Variants in ZBTB11 observed in about 807,000 individuals in gnomAD.
ZBTB11 encodes zinc finger and BTB domain containing 11.
ZBTB11 carries 68 observed loss-of-function variants against 113.1 expected under a neutral mutation model. The observed-to-expected ratio is 0.60, with a 90% confidence interval of 0.49 to 0.74. ZBTB11 has a LOEUF of 0.74. ZBTB11 is among the 30% of genes least tolerant of loss of function. ZBTB11 has a pLI of 0.00. For synonymous variants in ZBTB11, 518 were observed against 452.6 expected (o/e 1.14, Z -1.83); for missense variants, 1,104 against 1,279.4 (o/e 0.86, Z 2.09).
At position 101,651,320 on chromosome 3, in the gene ZBTB11, T is replaced by C; in HGVS notation, c.3008A>G (p.Glu1003Gly). 6.2e-7 allele frequency: 1 copy of C among 1,613,748 alleles called. No individual in the cohort carries two copies. The highest frequency in any genetic ancestry group is 8.5e-7 in the Non-Finnish European group (1 of 1,179,906). The change falls in exon 11 of 11, where the codon GAA becomes GGA. Residue 1003 changes from glutamate to glycine, a missense_variant. Physicochemically the swap from Glu to Gly is moderately conservative, Grantham distance 98. Transcript: ENST00000312938. ...AAGTGTAGATACCGATGGATACTCT[T>C]CAGTAGCTGCAACAGCTTCCAGAGC... The part of the protein sequence containing the change: ...MEALEAVAAT[E>G]EYPSVSTLSD...
At chr3:101,656,904 C>T (rs1453605435) in intron 6 of ZBTB11, among the ~76,000 whole-genome samples, 2 of 150,902 alleles carry the variant, frequency 1.3e-5, no homozygotes, top group East Asian at 2.0e-4. Flanking sequence ...GAGGCTGAGA[C>T]GGGCGGATCA....
At chr3:101,668,700 T>C (rs958391188) in intron 3 of ZBTB11, among the ~76,000 whole-genome samples, 1 of 152,048 alleles carries the variant, frequency 6.6e-6, no homozygotes, top group African/African-American at 2.4e-5. Flanking sequence ...GATAGGTATA[T>C]CCTAATTACC....
chr3:101,664,607 AACC>A lies in ZBTB11; in HGVS notation c.1728_1730del (p.Met576_Val577delinsIle). 2 of 1,613,908 alleles carry A rather than the reference AACC, an allele frequency of 1.2e-6. No individual in the cohort carries two copies. The highest frequency in any genetic ancestry group is 1.7e-6 in the Non-Finnish European group (2 of 1,179,952). On this transcript the variant is annotated inframe_deletion, in exon 5 of 11. Transcript: ENST00000312938. ...TTATAAGGGCGTATCGTCTCTGAAA[AACC>A]ATTCCACATTCCCCACATTTATGAG...
At chr3:101,658,750 G>C (rs1394371967) in intron 6 of ZBTB11, among the ~76,000 whole-genome samples, 1 of 152,108 alleles carries the variant, frequency 6.6e-6, no homozygotes, top group Non-Finnish European at 1.5e-5. Context: ...TTGTGGGAAA[G>C]GGTGAGTTGG....
At chr3:101,663,177 A>T (rs1340057052) in intron 5 of ZBTB11, among the ~76,000 whole-genome samples, 2 of 151,846 alleles carry the variant, frequency 1.3e-5, no homozygotes, top group East Asian at 1.9e-4. Flanking sequence ...TGACCTCGTG[A>T]TCTGCCCGCC....
Position 101,651,161 on chromosome 3 carries a change from C to T in ZBTB11, c.*5G>A. 6.4e-7 allele frequency: 1 copy of T among 1,562,982 alleles called. No individual in the cohort carries two copies. Among genetic ancestry groups the T allele is most frequent in the Non-Finnish European group, 8.6e-7 (1 of 1,157,414 alleles). ...TGTCACTTCTTTTTATCTTCATTAACATACTCATTCTCCTCCTGAAATATG... is the reference window on the plus strand; with the variant it reads ...TGTCACTTCTTTTTATCTTCATTAATATACTCATTCTCCTCCTGAAATATG... On this transcript the variant is annotated 3_prime_UTR_variant, in exon 11 of 11. Transcript: ENST00000312938.
intron 1 of ZBTB11, among the ~76,000 whole-genome samples, chr3:101,674,298 A>C (rs1265537546): frequency 6.6e-6 from 1 of 152,170 alleles, no homozygotes; most frequent in Non-Finnish European, 1.5e-5. Context: ...CCTGGGTGAC[A>C]GAACAAGACT....
chr3:101,676,779 T>G lies in ZBTB11; in HGVS notation c.136A>C (p.Thr46Pro). 6.2e-7 allele frequency: 1 copy of G among 1,610,940 alleles called. No individual in the cohort carries two copies. The highest frequency in any genetic ancestry group is 8.5e-7 in the Non-Finnish European group (1 of 1,178,978). Residue 46 changes from threonine (T) to proline (P), a missense_variant, in exon 1 of 11, where the codon ACT (threonine) becomes CCT (proline). Thr to Pro is a conservative substitution (Grantham distance 38). Around this residue, in one of 5 missense-constraint regions of ZBTB11, gnomAD observed 245 missense variants for 272.5 expected, o/e 0.90. Coordinates refer to ENST00000312938, the MANE Select transcript of ZBTB11 (RefSeq NM_014415.4). ...CGCTGCCGCCGCTGGTAATACAGAGTCCCGCCGCGCACCACGTAGCAGGCG... is the reference window on the plus strand; with the variant it reads ...CGCTGCCGCCGCTGGTAATACAGAGGCCCGCCGCGCACCACGTAGCAGGCG... The part of the protein sequence containing the change: ...AAACYVVRGG[T>P]LYYQRRQRHR...
In ZBTB11 at chr3:101,664,405, C is replaced by T. The variant is rs552844662; in HGVS notation, c.1800+133G>A. 20 of 829,064 alleles carry T rather than the reference C, an allele frequency of 2.4e-5. No homozygotes were observed. In the South Asian group the frequency reaches 4.2e-4, roughly 17 times the overall value. 51.4% of individuals were successfully genotyped at this position (829,064 alleles called of 1,614,324 possible). A position where few individuals can be genotyped will look rare whatever the true frequency, so the allele number is the denominator to read the frequency against. ...TTTTGGGAGGCAAGTAAATGACATG[C>T]ACATTTAAATAAGAAGATGACTCTT... is the stretch of plus-strand genomic sequence containing the variant. On this transcript the variant is annotated intron_variant, in intron 5 of 10. Coordinates refer to ENST00000312938, the MANE Select transcript of ZBTB11 (RefSeq NM_014415.4).
intron 3 of ZBTB11, among the ~76,000 whole-genome samples, chr3:101,667,752 C>T (rs1937020249): frequency 6.6e-6 from 1 of 152,054 alleles, no homozygotes; most frequent in Non-Finnish European, 1.5e-5. Context: ...ACCTCTGCCT[C>T]CCATTTGTTG....
Position 101,654,840 on chromosome 3 carries a change from AC to A in ZBTB11, c.2192-20del, listed in dbSNP as rs1318938945. 1 of 1,593,246 alleles carries A rather than the reference AC, an allele frequency of 6.3e-7. No homozygotes were observed. ...GACTCTCCTATTAGAAAAAATTAAA[AC>A]CCTGTCACATATCCAGCAATCAGTC... On this transcript the variant is annotated intron_variant, in intron 7 of 10. Coordinates refer to ENST00000312938, the MANE Select transcript of ZBTB11 (RefSeq NM_014415.4).
chr3:101,663,843 T>C (rs895169144), intron 5 of ZBTB11, among the ~76,000 whole-genome samples: 3 of 152,206 alleles, frequency 2.0e-5, no homozygotes, highest in Non-Finnish European at 2.9e-5. Context: ...TGAGCCAAGA[T>C]TGCGCCACTG....
Position 101,651,041 on chromosome 3 carries a change from G to T in ZBTB11, c.*125C>A. The T allele has an allele frequency of 8.6e-7, 1 of 1,163,018 alleles. No homozygotes were observed. The highest frequency in any genetic ancestry group is 1.2e-6 in the Non-Finnish European group (1 of 847,806). 72.0% of individuals were successfully genotyped at this position (1,163,018 alleles called of 1,614,324 possible). On this transcript the variant is annotated 3_prime_UTR_variant, in exon 11 of 11. Transcript: ENST00000312938. ...CAGACAAAATGTTTGGAAACGTTAC[G>T]TTACCAAACAGCCCAGAACTTTGAT... is the stretch of plus-strand genomic sequence containing the variant.
intron 1 of ZBTB11, among the ~76,000 whole-genome samples, chr3:101,673,343 G>A (rs532950137): frequency 3.0e-4 from 45 of 152,084 alleles, no homozygotes; most frequent in South Asian, 8.3e-4. Flanking sequence ...TGGGATTTTC[G>A]GTATATTATT....
rs746109653 is a variant in ZBTB11 at position 101,671,200 on chromosome 3, G to A, written c.708C>T (p.Ser236=). Residue 236 remains serine, a synonymous_variant, in exon 3 of 11, where the codon AGC becomes AGT. Transcript: ENST00000312938. The stretch of plus-strand genomic sequence containing the variant: ...CAATAAAAAGATCTCGAAAATACTC[G>A]CTATTTGCTGACAAAACAGATTTAT... ...KAHKSVLSAN[S]EYFRDLFIEK... is the part of the protein sequence containing the mutation. 6 of 1,614,082 alleles carry A rather than the reference G, an allele frequency of 3.7e-6. No individual in the cohort carries two copies. The highest frequency in any genetic ancestry group is 1.1e-5 in the South Asian group (1 of 91,078).
At position 101,676,980 on chromosome 3, in the gene ZBTB11, G is replaced by A; in HGVS notation, c.-66C>T. ...TGAGGAAAACGGCCCGCTACCTACGGGCGGCTGCAGGAGGAGCGGCGGCAC... is the reference window on the plus strand; with the variant it reads ...TGAGGAAAACGGCCCGCTACCTACGAGCGGCTGCAGGAGGAGCGGCGGCAC... On this transcript the variant is annotated 5_prime_UTR_variant, in exon 1 of 11. Transcript: ENST00000312938. The A allele has an allele frequency of 6.8e-7, 1 of 1,477,616 alleles. No homozygotes were observed. The highest frequency in any genetic ancestry group is 9.0e-7 in the Non-Finnish European group (1 of 1,112,304). 91.5% of individuals were successfully genotyped at this position (1,477,616 alleles called of 1,614,324 possible).
chr3:101,662,801 A>T (rs1481869737), intron 5 of ZBTB11, among the ~76,000 whole-genome samples: 1 of 151,864 alleles, frequency 6.6e-6, no homozygotes, highest in African/African-American at 2.4e-5. Flanking sequence ...TCACTTTGTC[A>T]TGCAGGCTGG....
Position 101,656,415 on chromosome 3 carries a change from C to T in ZBTB11, c.2047-167G>A, listed in dbSNP as rs1186222404. Reference sequence around the variant, plus strand: ...AAGTTGAAACCAACTTGAAAGTTGACCCCTCTTCTGATTCAGTATTCAACA... The same window carrying T: ...AAGTTGAAACCAACTTGAAAGTTGATCCCTCTTCTGATTCAGTATTCAACA... On this transcript the variant is annotated intron_variant, in intron 6 of 10. Transcript: ENST00000312938. 3.3e-5 allele frequency among the ~76,000 whole-genome samples: 5 copies of T among 152,136 alleles called. No individual in the cohort carries two copies. The East Asian group carries it at 9.6e-4, about 29-fold the overall frequency.
chr3:101,656,842 T>C (rs181660449), intron 6 of ZBTB11, among the ~76,000 whole-genome samples: 3 of 152,108 alleles, frequency 2.0e-5, no homozygotes, highest in African/African-American at 7.2e-5. Context: ...TACTTGGTAT[T>C]TAAATTTATG....
Sources: allele counts gnomAD v4.1 joint callset (sites outside exome capture counted in the v4.1 genomes callset), GRCh38; gene constraint gnomAD v4.1.1; regional missense constraint gnomAD v4.1.1; transcripts MANE v1.5; gene names NCBI Gene and HGNC (gene_info 2026-07-23, HGNC 2026-07-21).